SIK2: variants seen among roughly 807,000 people sequenced by gnomAD.
The protein encoded by SIK2 is serine/threonine-protein kinase SIK2.
SIK2 carries 29 observed loss-of-function variants against 103.2 expected under a neutral mutation model. The ratio of observed to expected loss-of-function variants is 0.28; its 90% CI spans 0.21 to 0.38. The LOEUF is 0.38. Ranked by LOEUF, SIK2 falls within the 10% of genes least tolerant of loss-of-function variation. SIK2 has a pLI of 1.00. For synonymous variants in SIK2, 412 were observed against 446.1 expected, an observed-to-expected ratio of 0.92 and a Z score of 0.96; for missense variants, 879 against 1,171.0, an observed-to-expected ratio of 0.75 and a Z score of 3.64.
chr11:111,631,425 C>T (rs1942035856), intron 3 of SIK2, among the ~76,000 whole-genome samples: 2 of 152,136 alleles, frequency 1.3e-5, no homozygotes, highest in South Asian at 4.2e-4. Context: ...AAAAAGTAGA[C>T]AATATGAATG....
chr11:111,699,873 G>T (rs959528531), intron 4 of SIK2, among the ~76,000 whole-genome samples: 2 of 152,208 alleles, frequency 1.3e-5, no homozygotes, highest in Non-Finnish European at 2.9e-5. Flanking sequence ...CTGTCTGGCA[G>T]TAGAGACTTG....
chr11:111,708,586 G>T (rs1162857207), intron 8 of SIK2, among the ~76,000 whole-genome samples: 1 of 151,640 alleles, frequency 6.6e-6, no homozygotes, highest in Non-Finnish European at 1.5e-5. Context: ...GTGGGGTTTT[G>T]GGGGAGGTTT....
At position 111,725,081 on chromosome 11, in the gene SIK2, G is replaced by A. The variant is rs1461384569; in HGVS notation, c.*952G>A. On this transcript the variant is annotated 3_prime_UTR_variant, in exon 15 of 15. Coordinates refer to ENST00000304987, the MANE Select transcript of SIK2 (RefSeq NM_015191.3). ...TGTTGCTAGTAGTTTATTGAGCTTT[G>A]TATATTTGGACAGTTTCATATAGGG... 6.6e-6 allele frequency: 1 copy of A among 152,634 alleles called. No individual in the cohort carries two copies. The highest frequency in any genetic ancestry group is 2.4e-5 in the African/African-American group (1 of 41,450). The allele number at this position is 152,634 out of a possible 1,614,324, so 9.5% of individuals were successfully genotyped here. A position where few individuals can be genotyped will look rare whatever the true frequency, so the allele number is the denominator to read the frequency against.
At chr11:111,669,829 C>T (rs1942600754) in intron 3 of SIK2, among the ~76,000 whole-genome samples, 1 of 152,156 alleles carries the variant, frequency 6.6e-6, no homozygotes, top group African/African-American at 2.4e-5. Flanking sequence ...CTCCCTTTCT[C>T]ACTGGCCATA....
chr11:111,644,301 AAAAGAAAG>A (rs1221111093), intron 3 of SIK2, among the ~76,000 whole-genome samples: 2 of 150,916 alleles, frequency 1.3e-5, no homozygotes, highest in Non-Finnish European at 2.9e-5. Context: ...AAAAAAAAAA[AAAAGAAAG>A]AAAGAAAAAA....
rs117478616 is a variant in SIK2, at chr11:111,724,344, T to C, written c.*215T>C. 7.4e-3 allele frequency: 4,712 copies of C among 641,072 alleles called. 24 individuals are homozygous for C. Among genetic ancestry groups the C allele is most frequent in the Middle Eastern group, 0.023 (53 of 2,278 alleles). The allele number at this position is 641,072 out of a possible 1,614,324, so 39.7% of individuals were successfully genotyped here. A position where few individuals can be genotyped will look rare whatever the true frequency, so the allele number is the denominator to read the frequency against. ...GTTTTCTGTGGCAAGTGCTGGAACA[T>C]AGTTGTAGGCTGAGGCTCCTGCCCT... is the stretch of plus-strand genomic sequence containing the variant. On this transcript the variant is annotated 3_prime_UTR_variant, in exon 15 of 15. Transcript: ENST00000304987.
At chr11:111,660,839 C>CTTTTTTTTTTTTTTTT (rs57174726) in intron 3 of SIK2, among the ~76,000 whole-genome samples, 71 of 90,388 alleles carry the variant, frequency 7.9e-4, no homozygotes, top group African/African-American at 2.3e-3. Context: ...GTGAAGTTGG[C>CTTTTTTTTTTTTTTTT]TTTTTTTTTT....
Position 111,711,250 on chromosome 11 carries a change from C to T in SIK2, c.1102-961C>T, listed in dbSNP as rs371122099. 2.0e-5 allele frequency among the ~76,000 whole-genome samples: 3 copies of T among 151,886 alleles called. No individual in the cohort carries two copies. The East Asian group carries it at 5.8e-4, about 29-fold the overall frequency. On this transcript the variant is annotated intron_variant, in intron 8 of 14. Transcript: ENST00000304987. ...TCTCCTGCCTCAGCCTCCCAAGTAGCTGGGACTACAGGCACCCGCCACCAC... is the reference window on the plus strand; with the variant it reads ...TCTCCTGCCTCAGCCTCCCAAGTAGTTGGGACTACAGGCACCCGCCACCAC...
chr11:111,606,315 T>TA (rs1941647481), intron 1 of SIK2, among the ~76,000 whole-genome samples: 1 of 152,072 alleles, frequency 6.6e-6, no homozygotes, highest in East Asian at 1.9e-4. Context: ...TATTATAATA[T>TA]AAAAAATAAG....
chr11:111,720,772 TC>T lies in SIK2; in HGVS notation c.1780+12del. ...ACCTCCCTCACCCAGGGTGAGCACT[TC>T]CTCCTCTGCTTTTTGAAACTCGCGT... On this transcript the variant is annotated intron_variant, in intron 11 of 14. Coordinates refer to ENST00000304987, the MANE Select transcript of SIK2 (RefSeq NM_015191.3). 1 of 1,577,678 alleles carries T rather than the reference TC, an allele frequency of 6.3e-7. No individual in the cohort carries two copies. The highest frequency in any genetic ancestry group is 8.6e-7 in the Non-Finnish European group (1 of 1,162,966).
intron 9 of SIK2, among the ~76,000 whole-genome samples, chr11:111,714,352 C>T (rs976315564): frequency 2.0e-5 from 3 of 152,162 alleles, no homozygotes; most frequent in African/African-American, 7.2e-5. Context: ...GGTTTGGTAT[C>T]AGTTGAAACA....
intron 3 of SIK2, among the ~76,000 whole-genome samples, chr11:111,676,227 T>C (rs1440601244): frequency 6.6e-6 from 1 of 152,250 alleles, no homozygotes; most frequent in East Asian, 1.9e-4. Context: ...AATATACACA[T>C]GCATATGTCT....
intron 3 of SIK2, among the ~76,000 whole-genome samples, chr11:111,656,909 T>A (rs1018004901): frequency 3.3e-5 from 5 of 152,220 alleles, no homozygotes; most frequent in Non-Finnish European, 7.3e-5. Flanking sequence ...ACTTTTGTAT[T>A]ATTTTAATCT....
In SIK2 at chr11:111,705,057, A is replaced by T. The variant is rs748473482; in HGVS notation, c.1019A>T (p.His340Leu). Residue 340 changes from histidine (H) to leucine (L), a missense_variant, in exon 8 of 15, where the codon CAT becomes CTT. Physicochemically the swap from His to Leu is moderately conservative, Grantham distance 99. Transcript: ENST00000304987. The surrounding 1 kb of genome is among the most constrained non-coding windows in gnomAD (Gnocchi z 4.3). ...TTGTTGGTGGAGCGCCTGAAATCACATCGGAGCAGTTTCCCAGTGGAGCAG... is the reference window on the plus strand; with the variant it reads ...TTGTTGGTGGAGCGCCTGAAATCACTTCGGAGCAGTTTCCCAGTGGAGCAG... Reference protein sequence around the residue: ...YFLLVERLKSHRSSFPVEQRL... With the variant: ...YFLLVERLKSLRSSFPVEQRL... 6.2e-7 allele frequency: 1 copy of T among 1,611,460 alleles called. No individual in the cohort carries two copies. The highest frequency in any genetic ancestry group is 8.5e-7 in the Non-Finnish European group (1 of 1,179,160).
At chr11:111,711,244 A>G (rs1426065106) in intron 8 of SIK2, among the ~76,000 whole-genome samples, 1 of 151,046 alleles carries the variant, frequency 6.6e-6, no homozygotes, top group Admixed American at 6.6e-5. Context: ...TCAGCCTCCC[A>G]AGTAGCTGGG....
chr11:111,682,673 G>C (rs146703711), intron 3 of SIK2, among the ~76,000 whole-genome samples: 1 of 152,132 alleles, frequency 6.6e-6, no homozygotes, highest in Admixed American at 6.5e-5. Flanking sequence ...TTGATAACTC[G>C]AATTTAGGTG....
At chr11:111,608,674 TATTTA>T (rs1457774100) in intron 1 of SIK2, among the ~76,000 whole-genome samples, 1 of 152,250 alleles carries the variant, frequency 6.6e-6, no homozygotes, top group Non-Finnish European at 1.5e-5. Flanking sequence ...ATCCATATTT[TATTTA>T]ATCAATTTCC....
At chr11:111,686,345 G>A (rs1304319092) in intron 3 of SIK2, among the ~76,000 whole-genome samples, 1 of 152,162 alleles carries the variant, frequency 6.6e-6, no homozygotes, top group Non-Finnish European at 1.5e-5. Flanking sequence ...GGAGGCTGAG[G>A]CATGAGAATT....
chr11:111,686,490 A>G (rs1015386638), intron 3 of SIK2, among the ~76,000 whole-genome samples: 1 of 152,220 alleles, frequency 6.6e-6, no homozygotes, highest in African/African-American at 2.4e-5. Flanking sequence ...GACATGAGCC[A>G]AAGGCAGGGA....
Sources: allele counts gnomAD v4.1 joint callset (sites outside exome capture counted in the v4.1 genomes callset), GRCh38; gene constraint gnomAD v4.1.1; non-coding constraint Gnocchi (gnomAD v3.1); transcripts MANE v1.5; gene names NCBI Gene and HGNC (gene_info 2026-07-23, HGNC 2026-07-21).